Variants in GALNT13 observed in about 807,000 individuals in gnomAD.
GALNT13 encodes the protein polypeptide N-acetylgalactosaminyltransferase 13, also known as UDP-GalNAc:polypeptide N-acetylgalactosaminyltransferase 13.
A neutral mutation model predicts 64.2 loss-of-function variants in GALNT13; 28 were observed. The observed-to-expected ratio is 0.44, with a 90% confidence interval of 0.32 to 0.60. The LOEUF (loss-of-function observed/expected upper bound fraction) is 0.60, where lower values mean the gene tolerates loss of function less well. Ranked by LOEUF, GALNT13 falls within the 20% of genes least tolerant of loss-of-function variation. GALNT13 has a pLI of 0.05. For missense variants in GALNT13, 577 were observed against 669.8 expected (o/e 0.86, Z 1.53); for synonymous variants, 214 against 224.6 (o/e 0.95, Z 0.42).
chr2:153,709,884 G>A, the GALNT13 span, among the ~76,000 whole-genome samples: 2 of 151,818 alleles, frequency 1.3e-5, no homozygotes, highest in African/African-American at 2.4e-5. Flanking sequence ...ACCTAGGCAC[G>A]GAAAGACAAA....
chr2:154,224,925 G>T (rs930920724), intron 4 of GALNT13, among the ~76,000 whole-genome samples: 1 of 152,024 alleles, frequency 6.6e-6, no homozygotes, highest in South Asian at 2.1e-4. Flanking sequence ...TAAATGAAAA[G>T]ACAAACGTCA....
the GALNT13 span, among the ~76,000 whole-genome samples, chr2:153,092,862 A>G: frequency 6.6e-6 from 1 of 152,078 alleles, no homozygotes; most frequent in Non-Finnish European, 1.5e-5. Flanking sequence ...TAGAAGTGCA[A>G]CATAGCACAG....
At chr2:153,571,055 A>G in the GALNT13 span, among the ~76,000 whole-genome samples, 84 of 152,020 alleles carry the variant, frequency 5.5e-4, no homozygotes, top group African/African-American at 1.9e-3. Flanking sequence ...GGTAGTATAG[A>G]CATTTTAACA....
At chr2:153,295,374 T>A in the GALNT13 span, among the ~76,000 whole-genome samples, 1 of 152,142 alleles carries the variant, frequency 6.6e-6, no homozygotes, top group Non-Finnish European at 1.5e-5. Context: ...TGTTAAATCG[T>A]TTATCTCACA....
At chr2:153,542,360 A>AC in the GALNT13 span, among the ~76,000 whole-genome samples, 7 of 57,838 alleles carry the variant, frequency 1.2e-4, no homozygotes, top group South Asian at 8.0e-4. Context: ...ACACACACAC[A>AC]AAAAAAAAAC....
At chr2:153,501,275 A>G in the GALNT13 span, among the ~76,000 whole-genome samples, 32 of 152,092 alleles carry the variant, frequency 2.1e-4, no homozygotes, top group African/African-American at 7.7e-4. Flanking sequence ...TTCTTTCAGT[A>G]GTTTAGTTTC....
chr2:154,224,710 G>T (rs1439159437), intron 4 of GALNT13, among the ~76,000 whole-genome samples: 1 of 151,996 alleles, frequency 6.6e-6, no homozygotes, highest in Admixed American at 6.6e-5. Flanking sequence ...TTTATCATTT[G>T]ATAAAAGATA....
chr2:153,739,691 A>G, the GALNT13 span, among the ~76,000 whole-genome samples: 1 of 149,900 alleles, frequency 6.7e-6, no homozygotes, highest in Non-Finnish European at 1.5e-5. Flanking sequence ...TAATTGATTT[A>G]TCAATGTTAT....
intron 4 of GALNT13, among the ~76,000 whole-genome samples, chr2:154,234,498 T>C (rs1201400598): frequency 6.6e-6 from 1 of 152,100 alleles, no homozygotes; most frequent in Admixed American, 6.5e-5. Context: ...CTTGTTCCAA[T>C]ATGTCCAAAT....
At chr2:153,494,663 G>C in the GALNT13 span, among the ~76,000 whole-genome samples, 9 of 151,888 alleles carry the variant, frequency 5.9e-5, no homozygotes, top group Non-Finnish European at 1.3e-4. Context: ...TTTCAACAAA[G>C]AAATAGAAGA....
At chr2:154,362,886 T>C (rs1401287607) in intron 9 of GALNT13, among the ~76,000 whole-genome samples, 1 of 152,116 alleles carries the variant, frequency 6.6e-6, no homozygotes, top group Non-Finnish European at 1.5e-5. Context: ...TTCAAACCCT[T>C]TAAAGTATTA....
chr2:153,294,280 T>A, the GALNT13 span, among the ~76,000 whole-genome samples: 1 of 152,116 alleles, frequency 6.6e-6, no homozygotes, highest in Non-Finnish European at 1.5e-5. Context: ...ATACTCAGGT[T>A]CCCAGGAGTC....
the GALNT13 span, among the ~76,000 whole-genome samples, chr2:153,307,117 T>C: frequency 2.6e-5 from 4 of 152,218 alleles, no homozygotes; most frequent in Non-Finnish European, 5.9e-5. Context: ...TGGAGAACTT[T>C]CGTTTTTCAG....
At chr2:153,863,407 G>C in the GALNT13 span, among the ~76,000 whole-genome samples, 10 of 152,104 alleles carry the variant, frequency 6.6e-5, no homozygotes, top group Admixed American at 6.6e-4. Context: ...GAGTGAGTCA[G>C]ATATAACCTA....
At chr2:153,713,215 T>C in the GALNT13 span, among the ~76,000 whole-genome samples, 1 of 152,328 alleles carries the variant, frequency 6.6e-6, no homozygotes, top group African/African-American at 2.4e-5. Flanking sequence ...ACTTTTATTT[T>C]TTAGGTAAAA....
chr2:153,934,477 G>T (rs1284986829), intron 2 of GALNT13, among the ~76,000 whole-genome samples: 2 of 152,104 alleles, frequency 1.3e-5, no homozygotes, highest in Non-Finnish European at 2.9e-5. Context: ...TCATGGATTT[G>T]GGCAGAATGG....
At chr2:153,435,188 T>C in the GALNT13 span, among the ~76,000 whole-genome samples, 6 of 152,236 alleles carry the variant, frequency 3.9e-5, no homozygotes, top group Non-Finnish European at 4.4e-5. Context: ...CATTGGTCTG[T>C]ATCTGCTTTG....
chr2:153,211,134 C>CTTT, the GALNT13 span, among the ~76,000 whole-genome samples: 1 of 147,652 alleles, frequency 6.8e-6, no homozygotes, highest in South Asian at 2.1e-4. Context: ...ATTGACAAAC[C>CTTT]TTTTTTTTTT....
At chr2:153,423,509 G>T in the GALNT13 span, 1 of 151,714 alleles carries the variant, frequency 6.6e-6, no homozygotes, top group East Asian at 1.9e-4. Context: ...AATGGAGAAG[G>T]TATGCAAAAT....
Sources: allele counts gnomAD v4.1 joint callset (sites outside exome capture counted in the v4.1 genomes callset), GRCh38; gene constraint gnomAD v4.1.1; transcripts MANE v1.5; gene names NCBI Gene and HGNC (gene_info 2026-07-23, HGNC 2026-07-21).